ANKDD1B: variants seen among roughly 807,000 people sequenced by gnomAD.
ANKDD1B encodes ankyrin repeat and death domain-containing protein 1B.
ANKDD1B carries 57 observed loss-of-function variants against 59.7 expected under a neutral mutation model. That is an observed-to-expected ratio of 0.95 (90% CI 0.77 to 1.19). The LOEUF (loss-of-function observed/expected upper bound fraction) is 1.19, where lower values mean the gene tolerates loss of function less well. Among genes scored for constraint, ANKDD1B ranks in the 50% most tolerant of loss-of-function variants. ANKDD1B has a pLI of 0.00. For synonymous variants in ANKDD1B, 216 were observed against 239.5 expected, an observed-to-expected ratio of 0.90 and a Z score of 0.91; for missense variants, 602 against 641.9, an observed-to-expected ratio of 0.94 and a Z score of 0.67.
At chr5:75,612,910 C>T (rs1046350739) in intron 1 of ANKDD1B, among the ~76,000 whole-genome samples, 6 of 151,960 alleles carry the variant, frequency 3.9e-5, no homozygotes, top group African/African-American at 1.5e-4. Context: ...TTATATAAAC[C>T]CTAGGGCATT....
At chr5:75,669,484 T>G in intron 13 of ANKDD1B, 101 bp downstream of exon 13, 2 of 1,081,278 alleles carry the variant, frequency 1.8e-6, no homozygotes, top group Non-Finnish European at 2.3e-6. Flanking sequence ...CAGCGTGGTG[T>G]TAGCTGTGGC....
At chr5:75,633,225 A>G (rs916751602) in intron 5 of ANKDD1B, among the ~76,000 whole-genome samples, 2 of 152,222 alleles carry the variant, frequency 1.3e-5, no homozygotes, top group African/African-American at 4.8e-5. Flanking sequence ...CCTGAGAATG[A>G]AATCACTAAA....
intron 9 of ANKDD1B, among the ~76,000 whole-genome samples, chr5:75,658,919 T>C (rs1364035309): frequency 3.9e-5 from 6 of 152,248 alleles, no homozygotes; most frequent in African/African-American, 9.6e-5. Context: ...TGAAATTTTA[T>C]ATCTATTAAA....
At chr5:75,648,175 C>T (rs560587900) in intron 7 of ANKDD1B, among the ~76,000 whole-genome samples, 16 of 109,344 alleles carry the variant, frequency 1.5e-4, no homozygotes, top group South Asian at 3.1e-4. Context: ...GTGGGTGCGG[C>T]GCACCAGCAT....
chr5:75,612,398 C>A (rs987931037), intron 1 of ANKDD1B, among the ~76,000 whole-genome samples: 1 of 133,672 alleles, frequency 7.5e-6, no homozygotes, highest in African/African-American at 2.7e-5. Flanking sequence ...GGCTGGAAGG[C>A]AGTAGTGCAA....
intron 1 of ANKDD1B, among the ~76,000 whole-genome samples, chr5:75,614,546 G>A (rs1773665546): frequency 6.6e-6 from 1 of 152,172 alleles, no homozygotes. Context: ...ATACCAAGTT[G>A]ATGGAGGTAC....
intron 7 of ANKDD1B, among the ~76,000 whole-genome samples, chr5:75,640,989 G>A (rs150402840): frequency 7.3e-4 from 111 of 152,202 alleles, no homozygotes; most frequent in African/African-American, 2.5e-3. Context: ...ATTCTACTTT[G>A]TTTTTTCATA....
At chr5:75,625,606 G>T (rs1773969751) in intron 3 of ANKDD1B, 41 bp from the exon 4 acceptor site, 3 of 1,486,970 alleles carry the variant, frequency 2.0e-6, no homozygotes, top group Non-Finnish European at 2.7e-6. Flanking sequence ...GCTGCAGCTT[G>T]TCAGAGTGAT....
chr5:75,623,581 A>G (rs1773914256), intron 3 of ANKDD1B, among the ~76,000 whole-genome samples: 1 of 152,178 alleles, frequency 6.6e-6, no homozygotes, highest in Admixed American at 6.5e-5. Flanking sequence ...GGACTAACTC[A>G]CCGTCTAGAG....
intron 7 of ANKDD1B, among the ~76,000 whole-genome samples, chr5:75,643,243 T>C (rs1774532241): frequency 1.2e-5 from 1 of 84,224 alleles, no homozygotes; most frequent in African/African-American, 1.1e-4. Flanking sequence ...CAAAGCTGGA[T>C]GGAGAATGAT....
Position 75,658,906 on chromosome 5 carries a change from A to G in ANKDD1B, c.997-377A>G, listed in dbSNP as rs184116783. On this transcript the variant is annotated intron_variant, in intron 9 of 13. Coordinates refer to ENST00000601380, the MANE Select transcript of ANKDD1B (RefSeq NM_001276713.2). ...CTTCAGAACATTTTTCATCTTCCCA[A>G]ACTGAAATTTTATATCTATTAAACG... Among the ~76,000 whole-genome samples the G allele has an allele frequency of 2.0e-5, 3 of 152,244 alleles. No individual in the cohort carries two copies. The East Asian group carries it at 5.8e-4, about 29-fold the overall frequency.
In ANKDD1B at chr5:75,665,460, C is replaced by T. The variant is rs143727911; in HGVS notation, c.1192-1332C>T. On this transcript the variant is annotated intron_variant, in intron 11 of 13. Transcript: ENST00000601380. ...AGGAGATGGAATGAGGAGAGAAGGACAAAGTGAAGTGGCCCACAGCTCCCA... is the reference window on the plus strand; with the variant it reads ...AGGAGATGGAATGAGGAGAGAAGGATAAAGTGAAGTGGCCCACAGCTCCCA... Among the ~76,000 whole-genome samples the T allele has an allele frequency of 5.6e-4, 86 of 152,300 alleles. 1 individual carries two copies. Among genetic ancestry groups the T allele is most frequent in the African/African-American group, 2.0e-3 (83 of 41,558 alleles).
At position 75,637,492 on chromosome 5, in the gene ANKDD1B, C is replaced by T. The variant is rs529903470; in HGVS notation, c.798+1610C>T. 2.9e-3 allele frequency among the ~76,000 whole-genome samples: 446 copies of T among 152,014 alleles called. 2 individuals are homozygous for T. The highest frequency in any genetic ancestry group is 0.01 in the African/African-American group (427 of 41,440). Reference sequence around the variant, plus strand: ...AACTTGATGCCTCTCCTGAGAGCTACGGAAAGAACTAGTATCATAATCATT... The same window carrying T: ...AACTTGATGCCTCTCCTGAGAGCTATGGAAAGAACTAGTATCATAATCATT... On this transcript the variant is annotated intron_variant, in intron 7 of 13. Coordinates refer to ENST00000601380, the MANE Select transcript of ANKDD1B (RefSeq NM_001276713.2).
At chr5:75,613,835 A>G (rs921551652) in intron 1 of ANKDD1B, among the ~76,000 whole-genome samples, 8 of 152,150 alleles carry the variant, frequency 5.3e-5, no homozygotes, top group African/African-American at 1.9e-4. Flanking sequence ...CTTAAAAACG[A>G]TCTATTTCTG....
At chr5:75,661,268 G>A (rs762637448) in intron 10 of ANKDD1B, among the ~76,000 whole-genome samples, 22 of 151,416 alleles carry the variant, frequency 1.5e-4, no homozygotes, top group Non-Finnish European at 2.9e-4. Flanking sequence ...ATGGTGATGC[G>A]CAACTGTAAT....
chr5:75,652,380 T>C (rs948976764), intron 7 of ANKDD1B, among the ~76,000 whole-genome samples: 2 of 152,162 alleles, frequency 1.3e-5, no homozygotes, highest in Admixed American at 6.5e-5. Context: ...AAAACCACAA[T>C]TGCTTTTGTA....
intron 1 of ANKDD1B, among the ~76,000 whole-genome samples, chr5:75,615,699 T>TGTGTCC (rs1000291034): frequency 1.3e-5 from 2 of 151,902 alleles, no homozygotes; most frequent in African/African-American, 4.8e-5. Flanking sequence ...TGTGTGTGTG[T>TGTGTCC]GTGTCCTAAT....
intron 5 of ANKDD1B, among the ~76,000 whole-genome samples, chr5:75,630,183 A>G (rs995911733): frequency 2.6e-5 from 4 of 152,176 alleles, no homozygotes; most frequent in African/African-American, 9.7e-5. Context: ...AATGTGATGA[A>G]AAAGGATTGG....
chr5:75,646,792 A>G (rs1448664999), intron 7 of ANKDD1B, among the ~76,000 whole-genome samples: 1 of 114,776 alleles, frequency 8.7e-6, no homozygotes, highest in East Asian at 2.1e-4. Context: ...CGCATCGCCA[A>G]GTCAATCCTA....
Sources: allele counts gnomAD v4.1 joint callset (sites outside exome capture counted in the v4.1 genomes callset), GRCh38; gene constraint gnomAD v4.1.1; transcripts MANE v1.5; gene names NCBI Gene and HGNC (gene_info 2026-07-23, HGNC 2026-07-21).